The following USP44 variants were observed in gnomAD, a reference collection of about 807,000 sequenced individuals.
The protein encoded by USP44 is ubiquitin carboxyl-terminal hydrolase 44.
Under a neutral mutation model 69.0 loss-of-function variants are expected in USP44, and 61 were observed. The observed-to-expected ratio is 0.88, with a 90% CI of 0.72 to 1.09. USP44 has a LOEUF of 1.09. USP44 is among the 50% of genes least tolerant of loss of function. The probability of loss-of-function intolerance (pLI) is 0.00; values close to 1 mark genes in which losing one functional copy is unlikely to be tolerated. For synonymous variants in USP44, 297 were observed against 295.4 expected, an observed-to-expected ratio of 1.01 and a Z score of -0.06; for missense variants, 753 against 849.9, an observed-to-expected ratio of 0.89 and a Z score of 1.42.
chr12:95,546,863 TCAAA>T (rs2077587663), intron 1 of USP44: 4 of 152,200 alleles, frequency 2.6e-5, no homozygotes, highest in Non-Finnish European at 4.4e-5. Flanking sequence ...GACTCTGCCC[TCAAA>T]CAACCCAATG....
intron 2 of USP44, 151 bp downstream of exon 2, chr12:95,532,678 C>T: frequency 1.7e-6 from 1 of 595,492 alleles, no homozygotes; most frequent in Admixed American, 3.7e-5. Flanking sequence ...ATTGAGTGAG[C>T]TGATTTCTCT....
chr12:95,547,656 A>G (rs1258762627), intron 1 of USP44, among the ~76,000 whole-genome samples: 1 of 152,298 alleles, frequency 6.6e-6, no homozygotes, highest in East Asian at 1.9e-4. Context: ...CCCAAAAGTC[A>G]CCACCCCTAC....
At chr12:95,537,305 T>C (rs2077237068) in intron 1 of USP44, among the ~76,000 whole-genome samples, 2 of 152,120 alleles carry the variant, frequency 1.3e-5, no homozygotes, top group African/African-American at 2.4e-5. Context: ...TGGCAAACCA[T>C]AGAAAATAAT....
Position 95,518,247 on chromosome 12 carries a change from A to AT in USP44, c.2045dup (p.Asn682LysfsTer5). On this transcript the variant is annotated frameshift_variant, in exon 6 of 6. Transcript: ENST00000258499. LOFTEE classifies it high-confidence loss of function. ...CTGGAGGCAAAAGTTTAGAATGTCC[A>AT]TTCTCAGTAACTCGTTGGGTATAAA... 1 of 1,614,200 alleles carries AT rather than the reference A, an allele frequency of 6.2e-7. No homozygotes were observed. Among genetic ancestry groups the AT allele is most frequent in the East Asian group, 2.2e-5 (1 of 44,878 alleles).
rs546919333 is a variant in USP44, at chr12:95,519,901, G to A, written c.1939+1096C>T. Among the ~76,000 whole-genome samples the A allele has an allele frequency of 1.3e-4, 19 of 149,340 alleles. No homozygotes were observed. In the East Asian group the frequency reaches 1.6e-3, roughly 13 times the overall value. On this transcript the variant is annotated intron_variant, in intron 5 of 5. Transcript: ENST00000258499. ...CTAAAAATACAAAAATTAGCCAGGC[G>A]TGGTGGTGCACACCTGCAATCCCAG...
intron 1 of USP44, among the ~76,000 whole-genome samples, chr12:95,538,699 G>C (rs1309491258): frequency 6.6e-6 from 1 of 152,160 alleles, no homozygotes; most frequent in African/African-American, 2.4e-5. Context: ...CAGAGGCAAG[G>C]GCACCGTGGA....
rs2076525825 is a variant in USP44, at chr12:95,517,904, CATAAAAAT to C, written c.*242_*249del. The C allele has an allele frequency of 3.1e-6, 1 of 323,082 alleles. No homozygotes were observed. The highest frequency in any genetic ancestry group is 5.6e-6 in the Non-Finnish European group (1 of 177,742). 20.0% of individuals were successfully genotyped at this position (323,082 alleles called of 1,614,324 possible). A position where few individuals can be genotyped will look rare whatever the true frequency, so the allele number is the denominator to read the frequency against. On this transcript the variant is annotated 3_prime_UTR_variant, in exon 6 of 6. Coordinates refer to ENST00000258499, the MANE Select transcript of USP44 (RefSeq NM_032147.5). Reference sequence around the variant, plus strand: ...AGTTCATCATCCGAGCCAATTAAGACATAAAAATATAAAAGAGGTAACATCAGTCTGAG... The same window carrying C: ...AGTTCATCATCCGAGCCAATTAAGACATAAAAGAGGTAACATCAGTCTGAG...
At chr12:95,539,320 G>C (rs999476871) in intron 1 of USP44, among the ~76,000 whole-genome samples, 25 of 151,450 alleles carry the variant, frequency 1.7e-4, no homozygotes, top group African/African-American at 6.1e-4. Flanking sequence ...CCGCCTCCTG[G>C]GTTCACACCA....
chr12:95,549,657 A>G (rs147844493), intron 1 of USP44, among the ~76,000 whole-genome samples: 1 of 152,346 alleles, frequency 6.6e-6, no homozygotes, highest in African/African-American at 2.4e-5. Context: ...ACAAACATGC[A>G]AAGTTAACAA....
intron 2 of USP44, among the ~76,000 whole-genome samples, chr12:95,532,608 C>G (rs1333756956): frequency 6.6e-6 from 1 of 152,104 alleles, no homozygotes; most frequent in Non-Finnish European, 1.5e-5. Flanking sequence ...TTCTCCCTCC[C>G]TCCAAAAGCT....
At chr12:95,527,471 A>G (rs942065945) in intron 3 of USP44, among the ~76,000 whole-genome samples, 8 of 152,114 alleles carry the variant, frequency 5.3e-5, no homozygotes, top group Non-Finnish European at 1.0e-4. Context: ...AGAGGAAATA[A>G]AGACACAGTA....
At position 95,517,243 on chromosome 12, in the gene USP44, ACTTAT is replaced by A. The variant is rs893537479; in HGVS notation, c.*906_*910del. 5.3e-5 allele frequency: 8 copies of A among 152,136 alleles called. No homozygotes were observed. The highest frequency in any genetic ancestry group is 1.9e-4 in the African/African-American group (8 of 41,496). 9.4% of individuals were successfully genotyped at this position (152,136 alleles called of 1,614,324 possible). On this transcript the variant is annotated 3_prime_UTR_variant, in exon 6 of 6. Transcript: ENST00000258499. ...AATAGTCCAGTTGCCAATTTTGAAC[ACTTAT>A]CTTTTCTGCCCTATAATTTTTTCTC...
chr12:95,531,785 G>A (rs774254448), intron 2 of USP44, among the ~76,000 whole-genome samples: 5 of 152,080 alleles, frequency 3.3e-5, no homozygotes, highest in Non-Finnish European at 7.4e-5. Flanking sequence ...GTGTGCAGGG[G>A]GAAGGAAATG....
intron 1 of USP44, among the ~76,000 whole-genome samples, chr12:95,535,947 A>C (rs1006034850): frequency 6.6e-6 from 1 of 151,792 alleles, no homozygotes; most frequent in Non-Finnish European, 1.5e-5. Context: ...CTTTTTGTAA[A>C]ATCTCATATT....
At chr12:95,532,753 A>T in intron 2 of USP44, 76 bp downstream of exon 2, 1 of 1,257,566 alleles carries the variant, frequency 8.0e-7, no homozygotes, top group Non-Finnish European at 1.1e-6. Flanking sequence ...CACTAGATGT[A>T]CATAGAATAT....
intron 1 of USP44, among the ~76,000 whole-genome samples, chr12:95,547,507 T>C (rs56360803): frequency 0.047 from 7,111 of 152,344 alleles, 382 homozygotes; most frequent in African/African-American, 0.13. Flanking sequence ...TTGAATCTCA[T>C]TGAGATTATG....
At chr12:95,545,869 G>T (rs1480447543) in intron 1 of USP44, among the ~76,000 whole-genome samples, 1 of 152,060 alleles carries the variant, frequency 6.6e-6, no homozygotes, top group East Asian at 1.9e-4. Context: ...GAAAGGCCCT[G>T]GTTATTCTTT....
At chr12:95,519,247 T>C (rs1449674867) in intron 5 of USP44, among the ~76,000 whole-genome samples, 1 of 152,088 alleles carries the variant, frequency 6.6e-6, no homozygotes, top group Non-Finnish European at 1.5e-5. Flanking sequence ...AATGAAACTG[T>C]TTCATTATTT....
At chr12:95,546,937 G>A (rs543904935) in intron 1 of USP44, 2 of 152,168 alleles carry the variant, frequency 1.3e-5, no homozygotes, top group Non-Finnish European at 2.9e-5. Context: ...TAGAGGAGAA[G>A]TTTGGTAGAG....
Sources: allele counts gnomAD v4.1 joint callset (sites outside exome capture counted in the v4.1 genomes callset), GRCh38; gene constraint gnomAD v4.1.1; transcripts MANE v1.5; gene names NCBI Gene and HGNC (gene_info 2026-07-23, HGNC 2026-07-21).